The following NEDD4L variants were observed in gnomAD, a reference collection of about 807,000 sequenced individuals.
The protein encoded by NEDD4L is E3 ubiquitin-protein ligase NEDD4-like.
In NEDD4L, 54 loss-of-function variants were observed where a neutral mutation model predicts 148.9. That is an observed-to-expected ratio of 0.36 (90% CI 0.29 to 0.45). The LOEUF is 0.45. Among genes scored for constraint, NEDD4L ranks in the 20% least tolerant of loss-of-function variants. NEDD4L has a pLI of 1.00. For synonymous variants in NEDD4L, 433 were observed against 440.7 expected (o/e 0.98, Z 0.22); for missense variants, 856 against 1,233.8 (o/e 0.69, Z 4.59).
chr18:58,149,428 AC>A, intron 1 of NEDD4L: 3 of 1,521,346 alleles, frequency 2.0e-6, no homozygotes, highest in Non-Finnish European at 2.7e-6. Flanking sequence ...GTGGAAAGTT[AC>A]CCTTGGCTGC....
At chr18:58,297,757 T>G (rs2055861867) in intron 5 of NEDD4L, among the ~76,000 whole-genome samples, 1 of 152,144 alleles carries the variant, frequency 6.6e-6, no homozygotes, top group East Asian at 1.9e-4. Flanking sequence ...GTCACAAGTG[T>G]CCTTTTAAGC....
chr18:58,374,573 G>T (rs116505536), intron 24 of NEDD4L, among the ~76,000 whole-genome samples: 1 of 152,028 alleles, frequency 6.6e-6, no homozygotes. Context: ...GCAGGGAGGG[G>T]TCTTTTCAGC....
intron 8 of NEDD4L, among the ~76,000 whole-genome samples, chr18:58,324,642 T>A (rs1345573062): frequency 6.6e-6 from 1 of 152,208 alleles, no homozygotes; most frequent in Non-Finnish European, 1.5e-5. Flanking sequence ...TGTACAGCCT[T>A]GGAGGCCCTC....
At chr18:58,263,597 CAT>C (rs2049772107) in intron 5 of NEDD4L, among the ~76,000 whole-genome samples, 2 of 148,614 alleles carry the variant, frequency 1.3e-5, no homozygotes, top group African/African-American at 4.9e-5. Flanking sequence ...ATGACTCACA[CAT>C]GTCATAACTC....
intron 1 of NEDD4L, among the ~76,000 whole-genome samples, chr18:58,106,193 G>T (rs2085062844): frequency 1.3e-5 from 2 of 152,198 alleles, no homozygotes; most frequent in South Asian, 4.1e-4. Context: ...CTGGGACACT[G>T]CCCAAATCAA....
intron 1 of NEDD4L, among the ~76,000 whole-genome samples, chr18:58,118,556 T>C (rs968981651): frequency 3.3e-5 from 5 of 152,228 alleles, no homozygotes; most frequent in African/African-American, 1.2e-4. Flanking sequence ...TCTAGGAACC[T>C]GTATTCCTCC....
At chr18:58,342,870 T>G in intron 15 of NEDD4L, 36 bp from the exon 16 acceptor site, 21 of 1,512,512 alleles carry the variant, frequency 1.4e-5, no homozygotes, top group Non-Finnish European at 1.6e-5. Context: ...GAATCGCACA[T>G]GCTAAAGAGT....
Position 58,245,537 on chromosome 18 carries a change from T to C in NEDD4L, c.204+29T>C, listed in dbSNP as rs766322469. On this transcript the variant is annotated intron_variant, in intron 3 of 30. Transcript: ENST00000400345. The stretch of plus-strand genomic sequence containing the variant: ...GGTGTCGATCTTTAACCAAATGTCA[T>C]TTAAGTCATAATTTAATCCAATTAT... 2.4e-6 allele frequency: 3 copies of C among 1,236,142 alleles called. No homozygotes were observed. The South Asian group carries it at 3.9e-5, about 16-fold the overall frequency. The allele number at this position is 1,236,142 out of a possible 1,614,324, so 76.6% of individuals were successfully genotyped here.
intron 1 of NEDD4L, among the ~76,000 whole-genome samples, chr18:58,074,745 C>T (rs1841238817): frequency 6.6e-6 from 1 of 152,030 alleles, no homozygotes; most frequent in African/African-American, 2.4e-5. Flanking sequence ...AAAACAGATT[C>T]TTGTCTCTGG....
At chr18:58,078,907 C>T (rs1671015665) in intron 1 of NEDD4L, among the ~76,000 whole-genome samples, 1 of 152,118 alleles carries the variant, frequency 6.6e-6, no homozygotes, top group African/African-American at 2.4e-5. Flanking sequence ...GGCTTAGTCT[C>T]TGGATAGGTG....
intron 1 of NEDD4L, among the ~76,000 whole-genome samples, chr18:58,060,088 A>G (rs1259390448): frequency 7.9e-6 from 1 of 125,898 alleles, no homozygotes; most frequent in Non-Finnish European, 1.6e-5. Context: ...CCGGAGTGGA[A>G]CCATCACGCT....
At chr18:58,148,187 A>G (rs1381477237) in intron 1 of NEDD4L, among the ~76,000 whole-genome samples, 1 of 147,044 alleles carries the variant, frequency 6.8e-6, no homozygotes, top group Non-Finnish European at 1.5e-5. Flanking sequence ...TCTTTTTGAG[A>G]TGGAGTCTTG....
At chr18:58,195,423 G>C in intron 2 of NEDD4L, 1 of 1,302,194 alleles carries the variant, frequency 7.7e-7, no homozygotes, top group South Asian at 1.2e-5. Flanking sequence ...ATTTGCTCCC[G>C]ATTCGAGAGA....
chr18:58,265,098 T>G (rs2050033361), intron 5 of NEDD4L, among the ~76,000 whole-genome samples: 1 of 151,626 alleles, frequency 6.6e-6, no homozygotes, highest in Non-Finnish European at 1.5e-5. Context: ...ACAGGAACTG[T>G]GTCATGGAGG....
At chr18:58,229,819 G>A (rs1396756388) in intron 2 of NEDD4L, among the ~76,000 whole-genome samples, 1 of 151,994 alleles carries the variant, frequency 6.6e-6, no homozygotes, top group African/African-American at 2.4e-5. Context: ...GTGAAACCCC[G>A]TCTCTACTAA....
chr18:58,238,943 C>T (rs1476918445), intron 2 of NEDD4L, among the ~76,000 whole-genome samples: 1 of 152,162 alleles, frequency 6.6e-6, no homozygotes, highest in Non-Finnish European at 1.5e-5. Flanking sequence ...TCTTCTCACA[C>T]ATTCTAGATT....
intron 5 of NEDD4L, among the ~76,000 whole-genome samples, chr18:58,252,986 A>G (rs1440712065): frequency 6.6e-6 from 1 of 152,230 alleles, no homozygotes; most frequent in Non-Finnish European, 1.5e-5. Context: ...AATGAACACT[A>G]TCATGTTAAG....
chr18:58,126,514 G>GT (rs1447752220), intron 1 of NEDD4L, among the ~76,000 whole-genome samples: 4 of 152,008 alleles, frequency 2.6e-5, no homozygotes, highest in Non-Finnish European at 5.9e-5. Context: ...TATACCACCT[G>GT]TTTTTTTAAA....
intron 1 of NEDD4L, among the ~76,000 whole-genome samples, chr18:58,099,468 G>A (rs1423649597): frequency 6.6e-6 from 1 of 152,186 alleles, no homozygotes; most frequent in African/African-American, 2.4e-5. Flanking sequence ...GCAGGTTTGG[G>A]TTCTCATGCA....
Sources: gnomAD v4.1 joint callset for allele counts (sites outside exome capture counted in the v4.1 genomes callset) on GRCh38, gnomAD v4.1.1 for gene constraint, MANE v1.5 for transcripts, NCBI Gene and HGNC (gene_info 2026-07-23, HGNC 2026-07-21) for gene names.